Variants in LRRC1 observed in about 807,000 individuals in gnomAD.
LRRC1 encodes leucine-rich repeat-containing protein 1.
A neutral mutation model predicts 69.9 loss-of-function variants in LRRC1; 28 were observed. The observed-to-expected ratio is 0.40, with a 90% CI of 0.30 to 0.55. The LOEUF (loss-of-function observed/expected upper bound fraction) is 0.55, where lower values mean the gene tolerates loss of function less well. Ranked by LOEUF, LRRC1 falls within the 20% of genes least tolerant of loss-of-function variation. The pLI, the probability that LRRC1 is intolerant of heterozygous loss-of-function variation, is 0.47. For synonymous variants in LRRC1, 236 were observed against 240.2 expected, an observed-to-expected ratio of 0.98 and a Z score of 0.16; for missense variants, 498 against 609.0, an observed-to-expected ratio of 0.82 and a Z score of 1.92.
intron 2 of LRRC1, among the ~76,000 whole-genome samples, chr6:53,852,402 A>C (rs1400403529): frequency 6.6e-6 from 1 of 152,200 alleles, no homozygotes; most frequent in Non-Finnish European, 1.5e-5. Flanking sequence ...TGAGGGATAG[A>C]GTGATACAAG....
chr6:53,854,080 A>AC (rs1766233635), intron 2 of LRRC1, among the ~76,000 whole-genome samples: 3 of 152,176 alleles, frequency 2.0e-5, no homozygotes, highest in African/African-American at 7.2e-5. Context: ...CTCTGAGCAA[A>AC]CCAACTGACC....
chr6:53,896,187 T>A (rs887468918), intron 4 of LRRC1, among the ~76,000 whole-genome samples: 15 of 152,236 alleles, frequency 9.9e-5, no homozygotes, highest in Admixed American at 9.8e-4. Flanking sequence ...TGAGAGTGGT[T>A]GTGTTTTATT....
intron 2 of LRRC1, among the ~76,000 whole-genome samples, chr6:53,859,102 A>T (rs922173864): frequency 1.3e-5 from 2 of 152,226 alleles, no homozygotes; most frequent in Non-Finnish European, 2.9e-5. Flanking sequence ...AAACACGGTC[A>T]TATCCCTAGA....
At chr6:53,860,537 T>TA (rs1766462954) in intron 2 of LRRC1, among the ~76,000 whole-genome samples, 2 of 152,358 alleles carry the variant, frequency 1.3e-5, no homozygotes, top group South Asian at 4.1e-4. Flanking sequence ...TTTAATCTTT[T>TA]TTAAAGGGTT....
intron 3 of LRRC1, among the ~76,000 whole-genome samples, chr6:53,881,969 TA>T: frequency 6.6e-6 from 1 of 152,312 alleles, no homozygotes; most frequent in East Asian, 1.9e-4. Context: ...AAGGGACATA[TA>T]AAAAATATCC....
chr6:53,850,062 C>CTT (rs11408594), intron 2 of LRRC1, among the ~76,000 whole-genome samples: 57,087 of 145,244 alleles, frequency 0.39, 11,171 homozygotes, highest in South Asian at 0.48. Flanking sequence ...AATAAGATTT[C>CTT]TTTTTTTTTT....
intron 1 of LRRC1, among the ~76,000 whole-genome samples, chr6:53,816,620 C>A (rs1007663637): frequency 1.3e-5 from 2 of 152,018 alleles, no homozygotes; most frequent in Non-Finnish European, 2.9e-5. Flanking sequence ...AGCTTTCTTA[C>A]AATCAGAATA....
intron 4 of LRRC1, among the ~76,000 whole-genome samples, chr6:53,891,925 G>A (rs2127434211): frequency 6.6e-6 from 1 of 151,644 alleles, no homozygotes. Flanking sequence ...CCAGGAGGCG[G>A]AGGTTGCAGT....
intron 3 of LRRC1, among the ~76,000 whole-genome samples, chr6:53,880,919 G>A (rs1302644467): frequency 6.6e-6 from 1 of 152,128 alleles, no homozygotes; most frequent in Admixed American, 6.5e-5. Context: ...TCGTTATGTT[G>A]CTGTTGGGTT....
At chr6:53,820,400 G>A (rs372246439) in intron 1 of LRRC1, among the ~76,000 whole-genome samples, 6 of 147,676 alleles carry the variant, frequency 4.1e-5, no homozygotes, top group African/African-American at 1.5e-4. Context: ...TGTGTGTACA[G>A]CATCTAGTAT....
intron 1 of LRRC1, among the ~76,000 whole-genome samples, chr6:53,813,382 G>A (rs908468697): frequency 1.3e-5 from 2 of 152,100 alleles, no homozygotes; most frequent in African/African-American, 2.4e-5. Flanking sequence ...AATACCTGTG[G>A]CAGCGCCAAG....
At chr6:53,892,324 C>T (rs1406782592) in intron 4 of LRRC1, among the ~76,000 whole-genome samples, 3 of 152,124 alleles carry the variant, frequency 2.0e-5, no homozygotes, top group Non-Finnish European at 4.4e-5. Flanking sequence ...AGTAGTAGAA[C>T]TATTAAAGTG....
At chr6:53,918,525 T>C (rs1260954384) in intron 11 of LRRC1, among the ~76,000 whole-genome samples, 1 of 152,238 alleles carries the variant, frequency 6.6e-6, no homozygotes, top group Non-Finnish European at 1.5e-5. Context: ...ATTAGTTTTG[T>C]GTTGTTGGAA....
chr6:53,841,733 A>G (rs1197941544), intron 1 of LRRC1, among the ~76,000 whole-genome samples: 1 of 152,096 alleles, frequency 6.6e-6, no homozygotes. Context: ...AATTTAAATA[A>G]TATTTTTAAA....
At position 53,891,999 on chromosome 6, in the gene LRRC1, A is replaced by ATAT. The variant is rs59126246; in HGVS notation, c.447-4499_447-4498insTAT. Among the ~76,000 whole-genome samples the ATAT allele has an allele frequency of 2.3e-3, 309 of 133,654 alleles. 1 individual carries two copies. Among genetic ancestry groups the ATAT allele is most frequent in the African/African-American group, 6.1e-3 (209 of 34,490 alleles). 87.7% of individuals were successfully genotyped at this position (133,654 alleles called of 152,430 possible). On this transcript the variant is annotated intron_variant, in intron 4 of 13. Transcript: ENST00000370888. Reference sequence around the variant, plus strand: ...AGAGTAAGATTCTGTCTAAAAAAAAAATATATATATATACACACACACACA... The same window carrying ATAT: ...AGAGTAAGATTCTGTCTAAAAAAAAATATATATATATATATACACACACACACA...
chr6:53,823,452 T>C (rs927279163), intron 1 of LRRC1, among the ~76,000 whole-genome samples: 10 of 152,214 alleles, frequency 6.6e-5, no homozygotes, highest in Non-Finnish European at 1.5e-4. Flanking sequence ...GCTTCCTTTA[T>C]TTTTCTTCTA....
chr6:53,867,487 TAG>T (rs1470151350), intron 2 of LRRC1, among the ~76,000 whole-genome samples: 1 of 151,142 alleles, frequency 6.6e-6, no homozygotes, highest in Non-Finnish European at 1.5e-5. Context: ...AATGATAGCT[TAG>T]AGTGGGGTCA....
Position 53,883,049 on chromosome 6 carries a change from C to G in LRRC1, c.446+73C>G, listed in dbSNP as rs972077290. 9 of 857,460 alleles carry G rather than the reference C, an allele frequency of 1.0e-5. No homozygotes were observed. In the African/African-American group the frequency reaches 1.6e-4, roughly 15 times the overall value. 53.1% of individuals were successfully genotyped at this position (857,460 alleles called of 1,614,324 possible). A position where few individuals can be genotyped will look rare whatever the true frequency, so the allele number is the denominator to read the frequency against. ...ATATCATCAGCTCTAGCCTCCTTCC[C>G]TTTTAAAGCTCCTATTTGTCTACTC... is the stretch of plus-strand genomic sequence containing the variant. On this transcript the variant is annotated intron_variant, in intron 4 of 13. Coordinates refer to ENST00000370888, the MANE Select transcript of LRRC1 (RefSeq NM_018214.5).
intron 2 of LRRC1, among the ~76,000 whole-genome samples, chr6:53,864,362 G>T (rs1442242284): frequency 6.6e-6 from 1 of 152,030 alleles, no homozygotes; most frequent in East Asian, 1.9e-4. Flanking sequence ...TGGTATCTTG[G>T]AACCTCAGGC....
Sources: gnomAD v4.1 joint callset for allele counts (sites outside exome capture counted in the v4.1 genomes callset) on GRCh38, gnomAD v4.1.1 for gene constraint, MANE v1.5 for transcripts, NCBI Gene and HGNC (gene_info 2026-07-23, HGNC 2026-07-21) for gene names.